The following TPR variants were observed in gnomAD, a reference collection of about 807,000 sequenced individuals.
TPR encodes the protein nucleoprotein TPR.
A neutral mutation model predicts 316.1 loss-of-function variants in TPR; 51 were observed. That is an observed-to-expected ratio of 0.16 (90% confidence interval 0.13 to 0.20). The LOEUF is 0.20. Ranked by LOEUF, TPR falls within the 10% of genes least tolerant of loss-of-function variation. The pLI, the probability that TPR is intolerant of heterozygous loss-of-function variation, is 1.00. For synonymous variants in TPR, 981 were observed against 914.7 expected (o/e 1.07, Z -1.31); for missense variants, 2,272 against 2,754.8 (o/e 0.82, Z 3.92).
chr1:186,327,009 A>G (rs1248360854), intron 40 of TPR, among the ~76,000 whole-genome samples: 1 of 82,194 alleles, frequency 1.2e-5, no homozygotes, highest in African/African-American at 5.4e-5. Context: ...TATATTAAAT[A>G]TATAATATAT....
chr1:186,322,345 C>T lies in TPR; in HGVS notation c.6434G>A (p.Arg2145His), dbSNP rs1466614054. Reference sequence around the variant, plus strand: ...AATTGCTTCAGCAAATCCATCAGTACGATGTGGCACCACAAGAGTTGGAGT... The same window carrying T: ...AATTGCTTCAGCAAATCCATCAGTATGATGTGGCACCACAAGAGTTGGAGT... ...PSTPTLVVPH[R>H]TDGFAEAIHS... Residue 2145 changes from arginine (R) to histidine (H), a missense_variant, in exon 45 of 51, where the codon CGT becomes CAT. Physicochemically the swap from Arg to His is conservative, Grantham distance 29. This residue lies in a region of TPR where 88 missense variants were observed against 176.2 expected (regional missense o/e 0.50). Transcript: ENST00000367478. The T allele has an allele frequency of 1.9e-6, 3 of 1,612,996 alleles. No homozygotes were observed. Among genetic ancestry groups the T allele is most frequent in the East Asian group, 2.2e-5 (1 of 44,846 alleles).
chr1:186,330,528 G>A (rs566934169), intron 39 of TPR, among the ~76,000 whole-genome samples: 1 of 152,184 alleles, frequency 6.6e-6, no homozygotes, highest in South Asian at 2.1e-4. Flanking sequence ...AACATGGGAT[G>A]TATATTATAT....
rs187745140 is a variant in TPR, at chr1:186,359,711, A to G, written c.1389+88T>C. ...TGAAAATCGTATTTAGATTTTTCTG[A>G]CTCAATCACCTTAAGAAAAAAAAAT... On this transcript the variant is annotated intron_variant, in intron 12 of 50. Transcript: ENST00000367478. 6.1e-4 allele frequency: 812 copies of G among 1,324,734 alleles called. 3 individuals are homozygous for G. In the Middle Eastern group the frequency reaches 9.5e-3, roughly 16 times the overall value. 82.1% of individuals were successfully genotyped at this position (1,324,734 alleles called of 1,614,324 possible). A position where few individuals can be genotyped will look rare whatever the true frequency, so the allele number is the denominator to read the frequency against.
chr1:186,326,314 G>C (rs1380450852), intron 40 of TPR, 79 bp from the exon 41 acceptor site: 3 of 1,527,078 alleles, frequency 2.0e-6, no homozygotes, highest in African/African-American at 1.4e-5. Flanking sequence ...ACCACACTTA[G>C]AAATTTAAGT....
chr1:186,336,689 T>C lies in TPR; in HGVS notation c.4512A>G (p.Leu1504=), dbSNP rs377747027. The C allele has an allele frequency of 1.5e-4, 243 of 1,612,400 alleles. No homozygotes were observed. Among genetic ancestry groups the C allele is most frequent in the Non-Finnish European group, 1.8e-4 (218 of 1,179,422 alleles). Reference sequence around the variant, plus strand: ...TTCTTGCTTCTGTCTCTTTTTCAGATAATGTCTTTAAAGGAAAACAAAGTA... The same window carrying C: ...TTCTTGCTTCTGTCTCTTTTTCAGACAATGTCTTTAAAGGAAAACAAAGTA... The part of the protein sequence containing the change: ...ESQVENLQKT[L]SEKETEARNL... The change falls in exon 33 of 51, where the codon TTA becomes TTG. Residue 1504 remains leucine, a synonymous_variant. Transcript: ENST00000367478.
chr1:186,336,457 A>G (rs1168765146), intron 33 of TPR, 39 bp downstream of exon 33: 1 of 1,602,416 alleles, frequency 6.2e-7, no homozygotes, highest in Non-Finnish European at 8.5e-7. Flanking sequence ...CACATAATCA[A>G]CTTTCACTAC....
At position 186,343,938 on chromosome 1, in the gene TPR, T is replaced by C; in HGVS notation, c.3570A>G (p.Gly1190=). The change falls in exon 26 of 51, where the codon GGA becomes GGG. Residue 1190 remains glycine (G), a synonymous_variant. Coordinates refer to ENST00000367478, the MANE Select transcript of TPR (RefSeq NM_003292.3). ...TTTCCAAAATTTGTTCTTGAGATTT[T>C]CCTTCTTCACTGAGAGATACATTCA... ...GPLNVSLSEE[G]KSQEQILEIL... The C allele has an allele frequency of 6.2e-7, 1 of 1,613,644 alleles. No homozygotes were observed. The highest frequency in any genetic ancestry group is 8.5e-7 in the Non-Finnish European group (1 of 1,179,872).
chr1:186,368,028 A>G (rs1213327093), intron 3 of TPR, 46 bp from the exon 4 acceptor site: 2 of 1,388,286 alleles, frequency 1.4e-6, no homozygotes, highest in South Asian at 2.4e-5. Flanking sequence ...GTAGAGCAAT[A>G]CAGGAAAGCG....
chr1:186,320,099 T>A (rs1251403301), intron 46 of TPR, among the ~76,000 whole-genome samples: 1 of 152,180 alleles, frequency 6.6e-6, no homozygotes, highest in Non-Finnish European at 1.5e-5. Flanking sequence ...TAAAAGCTAA[T>A]CCTTATGCTC....
chr1:186,326,066 A>G, intron 41 of TPR, 38 bp downstream of exon 41: 1 of 1,611,864 alleles, frequency 6.2e-7, no homozygotes, highest in East Asian at 2.2e-5. Context: ...GAAAGCTCAT[A>G]GAAAGAACTA....
At position 186,312,221 on chromosome 1, in the gene TPR, G is replaced by C. The variant is rs1657306520; in HGVS notation, c.*1750C>G. ...TTTATAAACAGGAACCTGTACAGAA[G>C]TGCCCTGGAAGAAGGCCTGCTCTAA... On this transcript the variant is annotated 3_prime_UTR_variant, in exon 51 of 51. Transcript: ENST00000367478. 6.2e-7 allele frequency: 1 copy of C among 1,613,908 alleles called. No homozygotes were observed. The highest frequency in any genetic ancestry group is 1.7e-5 in the Admixed American group (1 of 59,996).
chr1:186,362,614 A>G (rs965984435), intron 6 of TPR, among the ~76,000 whole-genome samples: 1 of 152,058 alleles, frequency 6.6e-6, no homozygotes, highest in Non-Finnish European at 1.5e-5. Context: ...TAGGAAAGAT[A>G]TATCGTAAGA....
rs1659094684 is a variant in TPR at position 186,358,607 on chromosome 1, T to C, written c.1433A>G (p.Gln478Arg). The change falls in exon 13 of 51, where the codon CAA becomes CGA. Residue 478 changes from glutamine (Q) to arginine (R), a missense_variant. Gln to Arg is a conservative substitution (Grantham distance 43). Around this residue, in one of 10 missense-constraint regions of TPR, gnomAD observed 549 missense variants for 598.6 expected, o/e 0.92. Coordinates refer to ENST00000367478, the MANE Select transcript of TPR (RefSeq NM_003292.3). ...LQEDTDKANK[Q>R]SSVLERDNRR... is the part of the protein sequence containing the mutation. Reference sequence around the variant, plus strand: ...ATTATCTCTCTCAAGTACAGATGATTGCTTGTTGGCTTTATCAGTGTCCTC... The same window carrying C: ...ATTATCTCTCTCAAGTACAGATGATCGCTTGTTGGCTTTATCAGTGTCCTC... 2 of 1,612,806 alleles carry C rather than the reference T, an allele frequency of 1.2e-6. No individual in the cohort carries two copies. The highest frequency in any genetic ancestry group is 1.1e-5 in the South Asian group (1 of 90,848).
rs765013543 is a variant in TPR, at chr1:186,370,988, A to T, written c.312T>A (p.Asp104Glu). 3 of 1,612,960 alleles carry T rather than the reference A, an allele frequency of 1.9e-6. No homozygotes were observed. Among genetic ancestry groups the T allele is most frequent in the Non-Finnish European group, 2.5e-6 (3 of 1,179,428 alleles). Residue 104 changes from aspartate (D) to glutamate (E), a missense_variant, in exon 3 of 51, where the codon GAT (aspartate) becomes GAA (glutamate). Transcript: ENST00000367478. ...CTCTTACCTGAATGGCAATATTGCG[A>T]TCCTGAGCAATTTCAAGTTCTTTGT... Reference protein sequence around the residue: ...EKNKELEIAQDRNIAIQSQFT... With the variant: ...EKNKELEIAQERNIAIQSQFT...
At position 186,360,423 on chromosome 1, in the gene TPR, A is replaced by T. The variant is rs549332138; in HGVS notation, c.1100-59T>A. The T allele has an allele frequency of 1.7e-5, 27 of 1,567,778 alleles. No individual in the cohort carries two copies. The Admixed American group carries it at 2.6e-4, about 15-fold the overall frequency. ...TAAAATTCCAAACTAAAAGCCATTA[A>T]TAATTTTTCAAGGTAAGTGACATGT... is the stretch of plus-strand genomic sequence containing the variant. On this transcript the variant is annotated intron_variant, in intron 10 of 50. Coordinates refer to ENST00000367478, the MANE Select transcript of TPR (RefSeq NM_003292.3).
Position 186,325,774 on chromosome 1 carries a change from A to C in TPR, c.6102T>G (p.Ser2034=), listed in dbSNP as rs769339318. ...GGEGNHRAAD[S]QNSGEGNTGA... ...TAATAAAAATCTCACCACTGTTTTG[A>C]GAATCAGCAGCTCTGTGATTACCTT... Residue 2034 remains serine, a synonymous_variant, in exon 42 of 51, where the codon TCT becomes TCG. Transcript: ENST00000367478. 3 of 1,612,704 alleles carry C rather than the reference A, an allele frequency of 1.9e-6. No homozygotes were observed. The highest frequency in any genetic ancestry group is 1.7e-5 in the Admixed American group (1 of 59,954).
intron 39 of TPR, among the ~76,000 whole-genome samples, chr1:186,330,403 C>T (rs184242026): frequency 5.2e-4 from 79 of 152,254 alleles, no homozygotes; most frequent in African/African-American, 1.8e-3. Context: ...TTTCAACCTG[C>T]TTAAAGAGGC....
intron 39 of TPR, among the ~76,000 whole-genome samples, 195 bp downstream of exon 39, chr1:186,331,303 A>G (rs964435040): frequency 1.3e-5 from 2 of 152,074 alleles, no homozygotes; most frequent in Admixed American, 6.6e-5. Flanking sequence ...TCTTTAATAT[A>G]AGTTTAGAAG....
intron 27 of TPR, chr1:186,342,256 A>T (rs1658532219): frequency 6.6e-6 from 1 of 152,470 alleles, no homozygotes; most frequent in Non-Finnish European, 1.5e-5. Context: ...TACAGGCATG[A>T]GCCACCATGC....
Sources: allele counts gnomAD v4.1 joint callset (sites outside exome capture counted in the v4.1 genomes callset), GRCh38; gene constraint gnomAD v4.1.1; regional missense constraint gnomAD v4.1.1; transcripts MANE v1.5; gene names NCBI Gene and HGNC (gene_info 2026-07-23, HGNC 2026-07-21).